Variants in SAMD12 observed in about 807,000 individuals in gnomAD.
SAMD12 encodes the protein sterile alpha motif domain containing 12, also known as sterile alpha motif domain-containing protein 12.
SAMD12 carries 9 observed loss-of-function variants against 15.0 expected under a neutral mutation model. That is an observed-to-expected ratio of 0.60 (90% CI 0.36 to 1.05). SAMD12 has a LOEUF of 1.05. SAMD12 is among the 50% of genes least tolerant of loss of function. The pLI is 0.01. For synonymous variants in SAMD12, 86 were observed against 90.1 expected (o/e 0.96, Z 0.25); for missense variants, 230 against 234.2 (o/e 0.98, Z 0.12).
chr8:118,390,854 A>AT (rs143252939), intron 3 of SAMD12, among the ~76,000 whole-genome samples: 4,601 of 151,670 alleles, frequency 0.03, 202 homozygotes, highest in African/African-American at 0.097. Context: ...CTCTATATTG[A>AT]TTTTTTTTTA....
At chr8:118,525,016 A>G (rs1409945076) in intron 2 of SAMD12, among the ~76,000 whole-genome samples, 2 of 152,146 alleles carry the variant, frequency 1.3e-5, no homozygotes, top group African/African-American at 4.8e-5. Context: ...ACTCCCTCAC[A>G]AGTAAAAGCA....
chr8:118,294,355 T>C (rs961696589), intron 4 of SAMD12, among the ~76,000 whole-genome samples: 4 of 152,180 alleles, frequency 2.6e-5, no homozygotes, highest in Non-Finnish European at 4.4e-5. Flanking sequence ...TTAAAAAACA[T>C]GATCAATTTA....
intron 4 of SAMD12, among the ~76,000 whole-genome samples, chr8:118,307,991 T>G (rs1815432697): frequency 6.6e-6 from 1 of 152,248 alleles, no homozygotes; most frequent in Non-Finnish European, 1.5e-5. Context: ...TCTTTCCACG[T>G]GACTGTTTTC....
intron 4 of SAMD12, among the ~76,000 whole-genome samples, chr8:118,282,942 T>C (rs1480981472): frequency 1.3e-5 from 2 of 152,094 alleles, no homozygotes; most frequent in African/African-American, 4.8e-5. Context: ...AATTAGACAT[T>C]GGTAGAATGA....
intron 2 of SAMD12, among the ~76,000 whole-genome samples, chr8:118,480,747 C>T (rs1462626482): frequency 6.6e-6 from 1 of 152,192 alleles, no homozygotes; most frequent in East Asian, 1.9e-4. Flanking sequence ...GATCCTTCCC[C>T]TTAATGAGGC....
chr8:118,572,052 G>C (rs941085293), intron 2 of SAMD12, among the ~76,000 whole-genome samples: 1 of 152,302 alleles, frequency 6.6e-6, no homozygotes, highest in Non-Finnish European at 1.5e-5. Flanking sequence ...ACCCACAGGG[G>C]TGGAGCTGCC....
At chr8:118,541,683 T>C (rs1403309834) in intron 2 of SAMD12, among the ~76,000 whole-genome samples, 2 of 152,180 alleles carry the variant, frequency 1.3e-5, no homozygotes, top group Non-Finnish European at 2.9e-5. Context: ...GTAAATTCCT[T>C]ATAGACAAAT....
chr8:118,203,145 C>G (rs1307009162), intron 4 of SAMD12, among the ~76,000 whole-genome samples: 1 of 152,192 alleles, frequency 6.6e-6, no homozygotes, highest in African/African-American at 2.4e-5. Flanking sequence ...AAAAGAAATT[C>G]TCCAACAAGA....
intron 3 of SAMD12, among the ~76,000 whole-genome samples, chr8:118,438,947 T>C (rs1822654845): frequency 6.6e-6 from 1 of 152,150 alleles, no homozygotes; most frequent in African/African-American, 2.4e-5. Flanking sequence ...TTCACTGCAC[T>C]GTTTGTGCAG....
intron 4 of SAMD12, among the ~76,000 whole-genome samples, chr8:118,361,632 G>A (rs1260004947): frequency 2.6e-5 from 4 of 152,074 alleles, no homozygotes; most frequent in East Asian, 3.9e-4. Context: ...CTAAGGCACC[G>A]CAGTAATGGA....
chr8:118,618,848 A>AG (rs1828316656), intron 1 of SAMD12, among the ~76,000 whole-genome samples: 1 of 151,806 alleles, frequency 6.6e-6, no homozygotes, highest in African/African-American at 2.4e-5. Flanking sequence ...CAAAAAAAAA[A>AG]AAAAAAATCC....
chr8:118,282,255 A>C (rs1813684852), intron 4 of SAMD12: 2 of 456,222 alleles, frequency 4.4e-6, no homozygotes, highest in South Asian at 3.1e-5. Context: ...CAAACACCTA[A>C]GAGGAACTTT....
chr8:118,253,864 T>A (rs1004456376), intron 4 of SAMD12, among the ~76,000 whole-genome samples: 13 of 152,262 alleles, frequency 8.5e-5, no homozygotes, highest in African/African-American at 2.4e-4. Flanking sequence ...GAGTGCCTGC[T>A]AAGCACCAAG....
intron 1 of SAMD12, among the ~76,000 whole-genome samples, chr8:118,614,474 G>T (rs1346201752): frequency 6.6e-6 from 1 of 152,156 alleles, no homozygotes; most frequent in Non-Finnish European, 1.5e-5. Context: ...TCCCCTAGGA[G>T]AGAGTCCTGC....
chr8:118,508,121 G>T (rs1824973649), intron 2 of SAMD12, among the ~76,000 whole-genome samples: 1 of 149,774 alleles, frequency 6.7e-6, no homozygotes, highest in South Asian at 2.2e-4. Flanking sequence ...AGCCTCATGA[G>T]TAGCTGGGAC....
the SAMD12 span, among the ~76,000 whole-genome samples, chr8:118,165,026 T>C: frequency 6.7e-6 from 1 of 149,904 alleles, no homozygotes; most frequent in Non-Finnish European, 1.5e-5. Context: ...ACATTGATTC[T>C]CTGCAGACAG....
intron 4 of SAMD12, among the ~76,000 whole-genome samples, chr8:118,316,156 C>A (rs1006507982): frequency 6.6e-6 from 1 of 152,016 alleles, no homozygotes; most frequent in Non-Finnish European, 1.5e-5. Context: ...AGAAGGTAGA[C>A]GACTACCAGA....
the SAMD12 span, among the ~76,000 whole-genome samples, chr8:118,136,908 C>T: frequency 6.6e-6 from 1 of 152,180 alleles, no homozygotes; most frequent in Admixed American, 6.5e-5. Flanking sequence ...TTCTTCCTCC[C>T]CCATTTCTTT....
intron 2 of SAMD12, among the ~76,000 whole-genome samples, chr8:118,527,016 TATAATC>T (rs1825554486): frequency 6.6e-6 from 1 of 152,192 alleles, no homozygotes; most frequent in African/African-American, 2.4e-5. Context: ...CTCCAAACCA[TATAATC>T]ATCTGCCAGC....
Sources: gnomAD v4.1 joint callset for allele counts (sites outside exome capture counted in the v4.1 genomes callset) on GRCh38, gnomAD v4.1.1 for gene constraint, MANE v1.5 for transcripts, NCBI Gene and HGNC (gene_info 2026-07-23, HGNC 2026-07-21) for gene names.